The following MTMR4 variants were observed in gnomAD, a reference collection of about 807,000 sequenced individuals.
The protein encoded by MTMR4 is phosphatidylinositol-3,5-bisphosphate 3-phosphatase MTMR4.
Under a neutral mutation model 125.5 loss-of-function variants are expected in MTMR4, and 30 were observed. The ratio of observed to expected loss-of-function variants is 0.24; its 90% CI spans 0.18 to 0.32. The LOEUF (loss-of-function observed/expected upper bound fraction) is 0.32, where lower values mean the gene tolerates loss of function less well. MTMR4 is among the 10% of genes least tolerant of loss of function. The probability of loss-of-function intolerance (pLI) is 1.00; values close to 1 mark genes in which losing one functional copy is unlikely to be tolerated. For missense variants in MTMR4, 1,039 were observed against 1,511.5 expected (o/e 0.69, Z 5.18); for synonymous variants, 498 against 564.5 (o/e 0.88, Z 1.67).
Position 58,496,122 on chromosome 17 carries a change from C to A in MTMR4, c.2062G>T (p.Gly688Cys). The change falls in exon 15 of 18, where the codon GGT (glycine) becomes TGT (cysteine). Residue 688 changes from glycine (G) to cysteine (C), a missense_variant. Physicochemically the swap from Gly to Cys is radical, Grantham distance 159. Around this residue, in one of 6 missense-constraint regions of MTMR4, gnomAD observed 619 missense variants for 714.5 expected, o/e 0.87. Transcript: ENST00000682306. ...GGPQQTVGEV[G>C]LPPPLPSSQK... is the part of the protein sequence containing the mutation. Reference sequence around the variant, plus strand: ...CTGCTGGGCAGAGGAGGAGGAAGACCCACTTCTCCTACAGTTTGCTGAGGC... The same window carrying A: ...CTGCTGGGCAGAGGAGGAGGAAGACACACTTCTCCTACAGTTTGCTGAGGC... 6.2e-7 allele frequency: 1 copy of A among 1,614,080 alleles called. No individual in the cohort carries two copies. The highest frequency in any genetic ancestry group is 8.5e-7 in the Non-Finnish European group (1 of 1,180,004).
In MTMR4 at chr17:58,512,459, C is replaced by G. The variant is rs560328210; in HGVS notation, c.183G>C (p.Arg61=). The G allele has an allele frequency of 6.0e-5, 97 of 1,614,156 alleles. No individual in the cohort carries two copies. In the South Asian group the frequency reaches 9.7e-4, roughly 16 times the overall value. Residue 61 remains arginine, a synonymous_variant, in exon 3 of 18, where the codon CGG becomes CGC. Coordinates refer to ENST00000682306, the MANE Select transcript of MTMR4 (RefSeq NM_001378067.1). This position sits in a 1 kb window ranked among gnomAD's most constrained non-coding sequence, Gnocchi z 4.1. The stretch of plus-strand genomic sequence containing the variant: ...AGATGGCAATGAGGGCATCGGCTGC[C>G]CGGCCCAGGAACTCTACTCCCTCAC... ...LQGEGVEFLG[R]AADALIAISN...
intron 1 of MTMR4, among the ~76,000 whole-genome samples, chr17:58,513,198 C>T (rs3809709): frequency 0.23 from 34,345 of 152,056 alleles, 4,239 homozygotes; most frequent in South Asian, 0.34. Context: ...CAAAGAGGGA[C>T]TCTCCTATAG....
At chr17:58,500,599 A>G (rs529980977) in intron 14 of MTMR4, among the ~76,000 whole-genome samples, 1 of 152,056 alleles carries the variant, frequency 6.6e-6, no homozygotes, top group African/African-American at 2.4e-5. Flanking sequence ...AAATACAAAA[A>G]ACTAGCCAGG....
chr17:58,492,470 G>A lies in MTMR4; in HGVS notation c.3452+41C>T, dbSNP rs749217745. 5.4e-6 allele frequency: 8 copies of A among 1,477,550 alleles called. No individual in the cohort carries two copies. The African/African-American group carries it at 2.1e-4, about 38-fold the overall frequency. 91.5% of individuals were successfully genotyped at this position (1,477,550 alleles called of 1,614,324 possible). A position where few individuals can be genotyped will look rare whatever the true frequency, so the allele number is the denominator to read the frequency against. On this transcript the variant is annotated intron_variant, in intron 17 of 17. Transcript: ENST00000682306. ...AGGTGTGAGCCACTGCGCCTGGCCT[G>A]CCCTGTTTTTTGTCATACTAAATCA...
upstream of MTMR4, among the ~76,000 whole-genome samples, chr17:58,515,790 AG>A (rs1976072649): frequency 6.6e-6 from 1 of 152,184 alleles, no homozygotes; most frequent in South Asian, 2.1e-4. Context: ...GAAGGAAGGG[AG>A]GGAAGGAGGA....
chr17:58,503,944 C>G (rs1482632488), intron 13 of MTMR4, 46 bp from the exon 14 acceptor site: 2 of 1,587,216 alleles, frequency 1.3e-6, no homozygotes, highest in Non-Finnish European at 1.7e-6. Flanking sequence ...AGTTCCTTGT[C>G]CTTTTTCTTT....
chr17:58,514,934 G>A, upstream of MTMR4: 1 of 881,366 alleles, frequency 1.1e-6, no homozygotes, highest in Non-Finnish European at 1.4e-6. Flanking sequence ...TCCCAAGGTG[G>A]AGCTCACCTA....
chr17:58,514,020 T>C (rs1976012385), intron 1 of MTMR4: 1 of 152,372 alleles, frequency 6.6e-6, no homozygotes, highest in African/African-American at 2.4e-5. Context: ...ACTAGCCACA[T>C]CCCACATCCC....
At chr17:58,511,387 GA>G in intron 4 of MTMR4, 41 bp downstream of exon 4, 1 of 1,540,258 alleles carries the variant, frequency 6.5e-7, no homozygotes, top group African/African-American at 1.4e-5. Flanking sequence ...AACTGGACAA[GA>G]CTAGGGCCAG....
chr17:58,502,165 T>TC (rs1486434228), intron 14 of MTMR4, among the ~76,000 whole-genome samples: 1 of 150,486 alleles, frequency 6.6e-6, no homozygotes, highest in Non-Finnish European at 1.5e-5. Context: ...CAATTTTTTT[T>TC]TTTTTTTTTT....
intron 17 of MTMR4, 50 bp downstream of exon 17, chr17:58,492,461 G>A (rs369089439): frequency 1.9e-5 from 29 of 1,524,472 alleles, no homozygotes; most frequent in Admixed American, 1.8e-4. Context: ...GAGCCACTGC[G>A]CCTGGCCTGC....
At position 58,491,835 on chromosome 17, in the gene MTMR4, C is replaced by T. The variant is rs1278710462; in HGVS notation, c.3458G>A (p.Cys1153Tyr). The T allele has an allele frequency of 6.2e-7, 1 of 1,610,792 alleles. No individual in the cohort carries two copies. The highest frequency in any genetic ancestry group is 8.5e-7 in the Non-Finnish European group (1 of 1,177,256). ...GCATCCAGCACAAAATACATTCCCA[C>T]AATTTCTGTCAAAGCAGAAAGAGGG... ...LAKRRHHCRNCGNVFCAGCCH... is the reference protein window; with the variant it reads ...LAKRRHHCRNYGNVFCAGCCH... Residue 1153 changes from cysteine to tyrosine, a missense_variant, in exon 18 of 18, where the codon TGT becomes TAT. Physicochemically the swap from Cys to Tyr is radical, Grantham distance 194. Transcript: ENST00000682306.
rs1311044435 is a variant in MTMR4 at position 58,491,786 on chromosome 17, A to C, written c.3507T>G (p.Pro1169=). The change falls in exon 18 of 18, where the codon CCT becomes CCG. Residue 1169 remains proline, a synonymous_variant. Coordinates refer to ENST00000682306, the MANE Select transcript of MTMR4 (RefSeq NM_001378067.1). ...GAACTGGGTCATAGAGTTGCTGATCAGGAATGGGCAGCTTCAGGTGGCAGC... is the reference window on the plus strand; with the variant it reads ...GAACTGGGTCATAGAGTTGCTGATCCGGAATGGGCAGCTTCAGGTGGCAGC... ...AGCCHLKLPI[P]DQQLYDPVLV... 1 of 1,614,078 alleles carries C rather than the reference A, an allele frequency of 6.2e-7. No individual in the cohort carries two copies. Among genetic ancestry groups the C allele is most frequent in the Non-Finnish European group, 8.5e-7 (1 of 1,179,938 alleles).
In MTMR4 at chr17:58,504,579, A is replaced by C. The variant is rs1975727167; in HGVS notation, c.1342-91T>G. ...GAACTGCCCAAAGCAGGAAGCTGGC[A>C]GCTTCAAAGAAAAATAGGACTGGAC... On this transcript the variant is annotated intron_variant, in intron 11 of 17. Transcript: ENST00000682306. The surrounding 1 kb of genome is among the most constrained non-coding windows in gnomAD (Gnocchi z 7.1). 1 of 1,462,800 alleles carries C rather than the reference A, an allele frequency of 6.8e-7. No homozygotes were observed. Among genetic ancestry groups the C allele is most frequent in the African/African-American group, 1.4e-5 (1 of 70,708 alleles). 90.6% of individuals were successfully genotyped at this position (1,462,800 alleles called of 1,614,324 possible). A position where few individuals can be genotyped will look rare whatever the true frequency, so the allele number is the denominator to read the frequency against.
At chr17:58,501,984 G>A (rs1384815696) in intron 14 of MTMR4, among the ~76,000 whole-genome samples, 7 of 151,520 alleles carry the variant, frequency 4.6e-5, no homozygotes, top group Non-Finnish European at 7.4e-5. Context: ...ACCTGAACCC[G>A]GGAGGCAGAG....
chr17:58,507,682 A>T (rs1281730572), intron 7 of MTMR4, among the ~76,000 whole-genome samples: 3 of 152,252 alleles, frequency 2.0e-5, no homozygotes, highest in Non-Finnish European at 4.4e-5. Flanking sequence ...ATTCTAGTGC[A>T]GGGATCAGCA....
At chr17:58,509,439 G>GTCTTGC (rs1405180292) in intron 4 of MTMR4, among the ~76,000 whole-genome samples, 1 of 148,266 alleles carries the variant, frequency 6.7e-6, no homozygotes, top group Non-Finnish European at 1.5e-5. Flanking sequence ...TTGAGAGAGG[G>GTCTTGC]TCTTGCTCTT....
In MTMR4 at chr17:58,495,692, G is replaced by A. The variant is rs1482580151; in HGVS notation, c.2492C>T (p.Pro831Leu). 6.2e-7 allele frequency: 1 copy of A among 1,614,188 alleles called. No homozygotes were observed. The highest frequency in any genetic ancestry group is 1.7e-5 in the Admixed American group (1 of 60,024). The change falls in exon 15 of 18, where the codon CCA (proline) becomes CTA (leucine). Residue 831 changes from proline to leucine, a missense_variant. Physicochemically the swap from Pro to Leu is moderately conservative, Grantham distance 98. Transcript: ENST00000682306. ...LDHSLSTVCN[P>L]PSAACQTPLD... ...AGGAGTTTGGCAGGCAGCACTCGGT[G>A]GGTTGCAAACGGTGCTGAGGCTGTG...
At chr17:58,499,232 CT>C (rs778066614) in intron 14 of MTMR4, among the ~76,000 whole-genome samples, 27 of 143,488 alleles carry the variant, frequency 1.9e-4, no homozygotes, top group African/African-American at 5.3e-4. Flanking sequence ...CACAGAACTT[CT>C]TTTTTTTTTA....
Sources: allele counts gnomAD v4.1 joint callset (sites outside exome capture counted in the v4.1 genomes callset), GRCh38; gene constraint gnomAD v4.1.1; regional missense constraint gnomAD v4.1.1; non-coding constraint Gnocchi (gnomAD v3.1); transcripts MANE v1.5; gene names NCBI Gene and HGNC (gene_info 2026-07-23, HGNC 2026-07-21).